PDE2A: variants seen among roughly 807,000 people sequenced by gnomAD.
PDE2A encodes cGMP-dependent 3',5'-cyclic phosphodiesterase.
PDE2A carries 53 observed loss-of-function variants against 133.6 expected under a neutral mutation model. The ratio of observed to expected loss-of-function variants is 0.40; its 90% CI spans 0.32 to 0.50. The LOEUF is 0.50. PDE2A is among the 20% of genes least tolerant of loss of function. The pLI is 0.73. For missense variants in PDE2A, 796 were observed against 1,232.4 expected (o/e 0.65, Z 5.30); for synonymous variants, 491 against 490.2 (o/e 1.00, Z -0.02).
chr11:72,653,151 G>A (rs1420889965), intron 1 of PDE2A, among the ~76,000 whole-genome samples: 2 of 152,226 alleles, frequency 1.3e-5, no homozygotes, highest in Non-Finnish European at 2.9e-5. Context: ...GAGGCAGCCA[G>A]CAAGAGAGAG....
chr11:72,580,868 AGCAGG>A lies in PDE2A; in HGVS notation c.2133+13_2133+17del. 6.7e-7 allele frequency: 1 copy of A among 1,482,094 alleles called. No individual in the cohort carries two copies. Among genetic ancestry groups the A allele is most frequent in the Non-Finnish European group, 9.4e-7 (1 of 1,059,404 alleles). 91.8% of individuals were successfully genotyped at this position (1,482,094 alleles called of 1,614,324 possible). ...CACCCCATGGAGGGTCCCCACTGTG[AGCAGG>A]GCAGGGTCTTACCGAGGCCACCTGG... On this transcript the variant is annotated intron_variant, in intron 24 of 30. Transcript: ENST00000334456.
At chr11:72,650,407 CAA>C (rs1326146127) in intron 1 of PDE2A, among the ~76,000 whole-genome samples, 1 of 152,102 alleles carries the variant, frequency 6.6e-6, no homozygotes, top group Non-Finnish European at 1.5e-5. Context: ...TCCACCCTCT[CAA>C]AAGGTCTCCC....
intron 4 of PDE2A, among the ~76,000 whole-genome samples, chr11:72,602,215 G>C (rs1856779362): frequency 6.6e-6 from 1 of 152,166 alleles, no homozygotes; most frequent in African/African-American, 2.4e-5. Flanking sequence ...AAACACACTG[G>C]GGGGATGCAG....
At chr11:72,664,274 A>G (rs1482760017) in intron 1 of PDE2A, among the ~76,000 whole-genome samples, 1 of 150,514 alleles carries the variant, frequency 6.6e-6, no homozygotes, top group Non-Finnish European at 1.5e-5. Flanking sequence ...CCCCATCTCC[A>G]TAATACTTGC....
In PDE2A at chr11:72,584,687, T is replaced by A. The variant is rs1855881972; in HGVS notation, c.1401A>T (p.Gly467=). The A allele has an allele frequency of 2.5e-6, 4 of 1,613,334 alleles. No individual in the cohort carries two copies. In the African/African-American group the frequency reaches 5.3e-5, roughly 22 times the overall value. The change falls in exon 18 of 31, where the codon GGA becomes GGT. Residue 467 remains glycine, a synonymous_variant. Coordinates refer to ENST00000334456, the MANE Select transcript of PDE2A (RefSeq NM_002599.5). The part of the protein sequence containing the change: ...IRIPADQGIA[G]HVATTGQILN... Reference sequence around the variant, plus strand: ...GGATCTGGCCCGTGGTCGCCACGTGTCCCGCGATGCCCTGATCGGCCGGGA... The same window carrying A: ...GGATCTGGCCCGTGGTCGCCACGTGACCCGCGATGCCCTGATCGGCCGGGA...
At chr11:72,583,313 C>T (rs1035326028) in intron 20 of PDE2A, 125 bp downstream of exon 20, 4 of 698,114 alleles carry the variant, frequency 5.7e-6, no homozygotes, top group Non-Finnish European at 7.7e-6. Context: ...CTAAGGAGGG[C>T]AGGAGGCCTG....
At chr11:72,596,726 G>T in intron 5 of PDE2A, 78 bp from the exon 6 acceptor site, 4 of 899,660 alleles carry the variant, frequency 4.4e-6, no homozygotes, top group East Asian at 3.0e-5. Context: ...CCAGGTGGGG[G>T]AGACAAAGAT....
intron 2 of PDE2A, among the ~76,000 whole-genome samples, chr11:72,629,648 G>A (rs974188568): frequency 2.0e-5 from 3 of 152,240 alleles, no homozygotes; most frequent in African/African-American, 7.2e-5. Context: ...TGTCCCAGCA[G>A]GGAACCTGTG....
Position 72,660,173 on chromosome 11 carries a change from A to G in PDE2A, c.71+13964T>C, listed in dbSNP as rs1855011797. On this transcript the variant is annotated intron_variant, in intron 1 of 30. Coordinates refer to ENST00000334456, the MANE Select transcript of PDE2A (RefSeq NM_002599.5). ...GGTTATGACCATATATATTTATCAA[A>G]ACTCATTATACACTTTAAATTGGTG... Among the ~76,000 whole-genome samples the G allele has an allele frequency of 2.0e-5, 3 of 152,230 alleles. No individual in the cohort carries two copies. In the South Asian group the frequency reaches 6.2e-4, roughly 32 times the overall value.
intron 2 of PDE2A, among the ~76,000 whole-genome samples, chr11:72,639,714 C>T (rs1023729383): frequency 1.3e-5 from 2 of 152,262 alleles, no homozygotes; most frequent in Non-Finnish European, 2.9e-5. Context: ...GCCTGTCCAG[C>T]GCCTGCTCCG....
At chr11:72,601,081 G>A (rs976751079) in intron 4 of PDE2A, among the ~76,000 whole-genome samples, 2 of 141,510 alleles carry the variant, frequency 1.4e-5, no homozygotes, top group Non-Finnish European at 3.1e-5. Context: ...TCAGTAAGCA[G>A]CCAAGCCTGT....
At position 72,588,834 on chromosome 11, in the gene PDE2A, A is replaced by C. The variant is rs747453560; in HGVS notation, c.1020T>G (p.Thr340=). The C allele has an allele frequency of 9.9e-6, 16 of 1,611,194 alleles. No homozygotes were observed. In the African/African-American group the frequency reaches 2.0e-4, roughly 20 times the overall value. ...CGCAGGCCAAGGCCACCACCTGGTC[A>C]GTGGCCCGGCTGATGACAGGGACAC... ...MLCVPVISRA[T]DQVVALACAF... The change falls in exon 13 of 31, where the codon ACT becomes ACG. Residue 340 remains threonine, a synonymous_variant. Coordinates refer to ENST00000334456, the MANE Select transcript of PDE2A (RefSeq NM_002599.5).
At chr11:72,642,435 G>A in intron 1 of PDE2A, 109 bp from the exon 2 acceptor site, 2 of 1,199,626 alleles carry the variant, frequency 1.7e-6, no homozygotes, top group Non-Finnish European at 2.1e-6. Context: ...GCGCGTCCGC[G>A]ACAGCTTCGC....
rs776714324 is a variant in PDE2A at position 72,585,547 on chromosome 11, C to T, written c.1222+7G>A. ...ACACAGCCAGGCAGAGAGAACAGTG[C>T]ACTCACCCAGGTGGGTGAAGAGGTT... On this transcript the variant is annotated splice_region_variant and intron_variant, in intron 15 of 30. Coordinates refer to ENST00000334456, the MANE Select transcript of PDE2A (RefSeq NM_002599.5). The T allele has an allele frequency of 1.2e-6, 2 of 1,613,264 alleles. No homozygotes were observed. Among genetic ancestry groups the T allele is most frequent in the South Asian group, 1.1e-5 (1 of 91,056 alleles).
intron 5 of PDE2A, among the ~76,000 whole-genome samples, 173 bp from the exon 6 acceptor site, chr11:72,596,821 AAAC>A (rs1330884712): frequency 6.6e-6 from 1 of 152,140 alleles, no homozygotes; most frequent in Non-Finnish European, 1.5e-5. Flanking sequence ...GCAGCAACAA[AAAC>A]AACCACAGCA....
At chr11:72,615,033 GC>G in intron 2 of PDE2A, 1 of 363,560 alleles carries the variant, frequency 2.8e-6, no homozygotes, top group Non-Finnish European at 6.1e-6. Context: ...CCACCCTCCT[GC>G]CCACCCTTCG....
chr11:72,668,925 G>A, intron 1 of PDE2A: 1 of 1,023,636 alleles, frequency 9.8e-7, no homozygotes, highest in Non-Finnish European at 1.2e-6. Flanking sequence ...TGAGCTCCTA[G>A]CTCTGGTCTC....
chr11:72,667,246 C>T (rs1307497914), intron 1 of PDE2A, among the ~76,000 whole-genome samples: 12 of 152,190 alleles, frequency 7.9e-5, no homozygotes, highest in Admixed American at 7.9e-4. Context: ...CATTCAGGTA[C>T]ACATACACAC....
At chr11:72,657,672 G>C (rs934369541) in intron 1 of PDE2A, among the ~76,000 whole-genome samples, 6 of 152,218 alleles carry the variant, frequency 3.9e-5, no homozygotes, top group African/African-American at 1.4e-4. Context: ...TGAGGTGTGA[G>C]GAGAGCTGGT....
Sources: gnomAD v4.1 joint callset for allele counts (sites outside exome capture counted in the v4.1 genomes callset) on GRCh38, gnomAD v4.1.1 for gene constraint, MANE v1.5 for transcripts, NCBI Gene and HGNC (gene_info 2026-07-23, HGNC 2026-07-21) for gene names.